KCNIP4: variants seen among roughly 807,000 people sequenced by gnomAD.
KCNIP4 encodes the protein Kv channel-interacting protein 4.
A neutral mutation model predicts 34.0 loss-of-function variants in KCNIP4; 12 were observed. The observed-to-expected ratio is 0.35, with a 90% CI of 0.23 to 0.57. KCNIP4 has a LOEUF of 0.57. Ranked by LOEUF, KCNIP4 falls within the 20% of genes least tolerant of loss-of-function variation. The pLI is 0.83. For synonymous variants in KCNIP4, 124 were observed against 102.2 expected (o/e 1.21, Z -1.29); for missense variants, 238 against 311.7 (o/e 0.76, Z 1.78).
intron 1 of KCNIP4, among the ~76,000 whole-genome samples, chr4:21,127,286 C>A (rs1416492541): frequency 1.3e-5 from 2 of 152,160 alleles, no homozygotes; most frequent in Admixed American, 1.3e-4. Flanking sequence ...ATTTTACTGT[C>A]TCACTTCCCC....
At chr4:21,500,592 C>G (rs971038885) in intron 1 of KCNIP4, among the ~76,000 whole-genome samples, 1 of 152,072 alleles carries the variant, frequency 6.6e-6, no homozygotes, top group African/African-American at 2.4e-5. Context: ...TTGATAAGTT[C>G]ATTACAGTAG....
intron 1 of KCNIP4, among the ~76,000 whole-genome samples, chr4:21,107,559 C>A (rs1748689219): frequency 6.7e-6 from 1 of 148,762 alleles, no homozygotes; most frequent in Non-Finnish European, 1.5e-5. Context: ...ATCCAATTTG[C>A]CAGTCTATGT....
intron 1 of KCNIP4, among the ~76,000 whole-genome samples, chr4:21,368,312 T>C (rs1719998847): frequency 1.4e-5 from 2 of 147,052 alleles, no homozygotes; most frequent in Admixed American, 6.6e-5. Context: ...AAAAATAAAG[T>C]TCAAATCTGT....
At chr4:20,892,269 TAC>T (rs1425847739) in intron 1 of KCNIP4, among the ~76,000 whole-genome samples, 2 of 152,198 alleles carry the variant, frequency 1.3e-5, no homozygotes, top group African/African-American at 2.4e-5. Flanking sequence ...GAAAACGATC[TAC>T]AGATTCCAAA....
At chr4:21,257,342 T>G (rs1368533570) in intron 1 of KCNIP4, among the ~76,000 whole-genome samples, 1 of 152,190 alleles carries the variant, frequency 6.6e-6, no homozygotes, top group African/African-American at 2.4e-5. Context: ...CTGTGAAAGC[T>G]TGGCAAGACC....
At chr4:21,409,433 CT>C (rs1485647573) in intron 1 of KCNIP4, among the ~76,000 whole-genome samples, 1 of 151,924 alleles carries the variant, frequency 6.6e-6, no homozygotes, top group Non-Finnish European at 1.5e-5. Context: ...TGTGGATCCG[CT>C]TTTCTGAACT....
chr4:21,600,499 A>T (rs911919201), intron 1 of KCNIP4, among the ~76,000 whole-genome samples: 4 of 152,090 alleles, frequency 2.6e-5, no homozygotes, highest in Non-Finnish European at 5.9e-5. Context: ...TATTCAAATT[A>T]TTCTCTTCTA....
chr4:20,993,956 G>A (rs1737310338), intron 1 of KCNIP4, among the ~76,000 whole-genome samples: 1 of 152,112 alleles, frequency 6.6e-6, no homozygotes, highest in East Asian at 1.9e-4. Context: ...CCCTTCCATT[G>A]TTAGTGCCAG....
chr4:20,859,830 G>A (rs995330778), intron 2 of KCNIP4, among the ~76,000 whole-genome samples: 2 of 152,094 alleles, frequency 1.3e-5, no homozygotes, highest in Non-Finnish European at 2.9e-5. Flanking sequence ...ACCTTTTGAC[G>A]ACATGCTTTG....
At chr4:21,191,670 C>A (rs1755656203) in intron 1 of KCNIP4, among the ~76,000 whole-genome samples, 1 of 152,196 alleles carries the variant, frequency 6.6e-6, no homozygotes, top group Non-Finnish European at 1.5e-5. Flanking sequence ...CAATCTCTTA[C>A]AGATAAGACA....
rs1428740560 is a variant in KCNIP4, at chr4:21,375,870, C to T, written c.62-493161G>A. ...GCGTGAGCCACCGTGCCTGGCCTGG[C>T]CATTGTTACCCTTTTTGATACAGTT... On this transcript the variant is annotated intron_variant, in intron 1 of 8. Coordinates refer to ENST00000382152, the MANE Select transcript of KCNIP4 (RefSeq NM_025221.6). 3.9e-5 allele frequency among the ~76,000 whole-genome samples: 6 copies of T among 152,072 alleles called. No homozygotes were observed. In the South Asian group the frequency reaches 1.0e-3, roughly 26 times the overall value.
chr4:21,698,472 G>C (rs2109059014), intron 1 of KCNIP4, among the ~76,000 whole-genome samples: 2 of 152,202 alleles, frequency 1.3e-5, no homozygotes, highest in Middle Eastern at 6.8e-3. Context: ...CAGAACAATT[G>C]CAAGGATTTG....
intron 1 of KCNIP4, among the ~76,000 whole-genome samples, chr4:20,905,509 C>CTTTCTTT (rs71655610): frequency 2.7e-5 from 2 of 72,804 alleles, no homozygotes; most frequent in African/African-American, 4.6e-5. Flanking sequence ...CGTTTTCTTT[C>CTTTCTTT]TTTTTTTTTT....
intron 1 of KCNIP4, among the ~76,000 whole-genome samples, chr4:21,072,357 T>G (rs1480429638): frequency 6.6e-6 from 1 of 152,216 alleles, no homozygotes; most frequent in Non-Finnish European, 1.5e-5. Flanking sequence ...AGATGGTATC[T>G]CATTGTGGTT....
chr4:20,779,576 A>T, intron 3 of KCNIP4, among the ~76,000 whole-genome samples: 1 of 80,552 alleles, frequency 1.2e-5, no homozygotes. Context: ...CTGCCCCACA[A>T]CCCCCCCCCC....
At chr4:21,303,094 A>C (rs1283270984) in intron 1 of KCNIP4, among the ~76,000 whole-genome samples, 1 of 152,240 alleles carries the variant, frequency 6.6e-6, no homozygotes. Context: ...AGAAACATTT[A>C]ATTTAGGAAA....
intron 1 of KCNIP4, among the ~76,000 whole-genome samples, chr4:21,648,217 C>T (rs7669724): frequency 0.3 from 45,869 of 151,808 alleles, 8,667 homozygotes; most frequent in East Asian, 0.9. Context: ...TGATGTCCTT[C>T]ATCCCTGCAA....
chr4:20,810,084 A>G (rs1715538253), intron 3 of KCNIP4, among the ~76,000 whole-genome samples: 1 of 152,226 alleles, frequency 6.6e-6, no homozygotes, highest in Non-Finnish European at 1.5e-5. Flanking sequence ...GAACGACTGC[A>G]GCAACTTGGC....
At chr4:21,702,257 A>C (rs1352659767) in intron 1 of KCNIP4, among the ~76,000 whole-genome samples, 3 of 152,040 alleles carry the variant, frequency 2.0e-5, no homozygotes, top group Non-Finnish European at 4.4e-5. Flanking sequence ...CCTCACGTGG[A>C]GGAGAAAGAG....
Sources: gnomAD v4.1 joint callset for allele counts (sites outside exome capture counted in the v4.1 genomes callset) on GRCh38, gnomAD v4.1.1 for gene constraint, MANE v1.5 for transcripts, NCBI Gene and HGNC (gene_info 2026-07-23, HGNC 2026-07-21) for gene names.